PRKRA: variants seen among roughly 807,000 people sequenced by gnomAD.
The protein encoded by PRKRA is interferon-inducible double-stranded RNA-dependent protein kinase activator A.
PRKRA carries 22 observed loss-of-function variants against 32.4 expected under a neutral mutation model. That is an observed-to-expected ratio of 0.68 (90% confidence interval 0.49 to 0.97). The LOEUF is 0.97. Ranked by LOEUF, PRKRA falls within the 50% of genes least tolerant of loss-of-function variation. The pLI, the probability that PRKRA is intolerant of heterozygous loss-of-function variation, is 0.00. For synonymous variants in PRKRA, 139 were observed against 129.8 expected (o/e 1.07, Z -0.48); for missense variants, 319 against 375.6 (o/e 0.85, Z 1.25).
In PRKRA at chr2:178,436,230, G is replaced by A. The variant is rs753371990; in HGVS notation, c.699C>T (p.Leu233=). The A allele has an allele frequency of 5.0e-6, 8 of 1,613,018 alleles. No homozygotes were observed. Among genetic ancestry groups the A allele is most frequent in the Non-Finnish European group, 6.8e-6 (8 of 1,179,154 alleles). Residue 233 remains leucine (L), a synonymous_variant, in exon 7 of 8, where the codon CTC becomes CTT. Transcript: ENST00000325748. ...GEKINLLKRS[L]LSIPNTDYIQ... ...TGTAATCTGTATTTGGAATACTAAGGAGGCTTCTTTTCAGTAAGTTGATCT... is the reference window on the plus strand; with the variant it reads ...TGTAATCTGTATTTGGAATACTAAGAAGGCTTCTTTTCAGTAAGTTGATCT...
intron 7 of PRKRA, among the ~76,000 whole-genome samples, chr2:178,435,476 GCTTTCC>G (rs1435767246): frequency 1.3e-5 from 2 of 151,238 alleles, no homozygotes; most frequent in African/African-American, 2.4e-5. Context: ...ATACTGACTT[GCTTTCC>G]CATCTGTCCA....
At chr2:178,443,917 C>G (rs537190510) in intron 4 of PRKRA, 1 of 172,518 alleles carries the variant, frequency 5.8e-6, no homozygotes, top group African/African-American at 2.4e-5. Context: ...AATGGCCTAA[C>G]AGAGCACATG....
chr2:178,438,629 T>C lies in PRKRA; in HGVS notation c.610-2310A>G, dbSNP rs185335598. Among the ~76,000 whole-genome samples the C allele has an allele frequency of 5.8e-4, 89 of 152,164 alleles. 1 individual carries two copies. Among genetic ancestry groups the C allele is most frequent in the Admixed American group, 2.0e-3 (30 of 15,284 alleles). ...TCTTGGCTATTCTTGAGGGTTTTTT[T>C]CCAGATAAACTTCAATAAACGTGTA... On this transcript the variant is annotated intron_variant, in intron 6 of 7. Transcript: ENST00000325748.
chr2:178,433,770 G>A (rs1202353114), intron 7 of PRKRA: 1 of 152,094 alleles, frequency 6.6e-6, no homozygotes, highest in African/African-American at 2.4e-5. Flanking sequence ...TTACAGGTGT[G>A]AGCCACTTTG....
In PRKRA at chr2:178,431,938, A is replaced by G. The variant is rs115244185; in HGVS notation, c.*159T>C. The G allele has an allele frequency of 2.4e-3, 2,152 of 894,838 alleles. 23 individuals are homozygous for G. The African/African-American group carries it at 0.033, about 14-fold the overall frequency. The allele number at this position is 894,838 out of a possible 1,614,324, so 55.4% of individuals were successfully genotyped here. Reference sequence around the variant, plus strand: ...AGTTGAAGCCATTAAAAAGAGCTTAATAACAACTATGAGGAGATAATTAAA... The same window carrying G: ...AGTTGAAGCCATTAAAAAGAGCTTAGTAACAACTATGAGGAGATAATTAAA... On this transcript the variant is annotated 3_prime_UTR_variant, in exon 8 of 8. Coordinates refer to ENST00000325748, the MANE Select transcript of PRKRA (RefSeq NM_003690.5).
At chr2:178,446,514 T>C (rs1286842356) in intron 3 of PRKRA, among the ~76,000 whole-genome samples, 3 of 152,142 alleles carry the variant, frequency 2.0e-5, no homozygotes, top group Non-Finnish European at 4.4e-5. Flanking sequence ...TCCAAAAGCC[T>C]TTCTATGACT....
At position 178,442,964 on chromosome 2, in the gene PRKRA, T is replaced by A. The variant is rs190708493; in HGVS notation, c.514+303A>T. ...TAAAATCCAAGAGATTTACTATAGC[T>A]TTTTCTCCAAATTGAGGTTTTTTAA... On this transcript the variant is annotated intron_variant, in intron 5 of 7. Transcript: ENST00000325748. Among the ~76,000 whole-genome samples, 536 of 152,324 alleles carry A rather than the reference T, an allele frequency of 3.5e-3. 4 individuals carry two copies. The highest frequency in any genetic ancestry group is 3.8e-3 in the Non-Finnish European group (256 of 68,036).
At chr2:178,441,580 A>G in intron 6 of PRKRA, 30 bp downstream of exon 6, 1 of 1,507,694 alleles carries the variant, frequency 6.6e-7, no homozygotes, top group Non-Finnish European at 9.2e-7. Flanking sequence ...GCTTAATGAC[A>G]TTAACATCAT....
intron 1 of PRKRA, 186 bp downstream of exon 1, chr2:178,450,780 G>A: frequency 7.5e-7 from 1 of 1,339,984 alleles, no homozygotes; most frequent in Non-Finnish European, 9.5e-7. Flanking sequence ...ACCACGAGAG[G>A]GGCGGGGCCC....
At chr2:178,450,912 G>A in intron 1 of PRKRA, 54 bp downstream of exon 1, 1 of 1,217,512 alleles carries the variant, frequency 8.2e-7, no homozygotes, top group South Asian at 1.6e-5. Flanking sequence ...CCCGCGCCCC[G>A]GCCCTGCCGC....
Position 178,432,043 on chromosome 2 carries a change from G to C in PRKRA, c.*54C>G, listed in dbSNP as rs1356661860. The stretch of plus-strand genomic sequence containing the variant: ...CGGTAAAAGTTTTACTTGGGAAGGG[G>C]CCAGAGGGGAACTTTTTATGTGCTA... On this transcript the variant is annotated 3_prime_UTR_variant, in exon 8 of 8. Coordinates refer to ENST00000325748, the MANE Select transcript of PRKRA (RefSeq NM_003690.5). The C allele has an allele frequency of 6.3e-7, 1 of 1,587,586 alleles. No individual in the cohort carries two copies. The highest frequency in any genetic ancestry group is 1.3e-5 in the African/African-American group (1 of 74,076).
At chr2:178,446,871 T>C (rs1697329405) in intron 3 of PRKRA, among the ~76,000 whole-genome samples, 1 of 150,886 alleles carries the variant, frequency 6.6e-6, no homozygotes, top group Admixed American at 6.6e-5. Flanking sequence ...CGGGCGCCTG[T>C]AGTCCCAGCT....
At chr2:178,450,462 G>C (rs1165323946) in intron 1 of PRKRA, 51 bp from the exon 2 acceptor site, 1 of 1,310,548 alleles carries the variant, frequency 7.6e-7, no homozygotes, top group Non-Finnish European at 1.0e-6. Flanking sequence ...GGAGATTGAA[G>C]CAGAAGCGTA....
chr2:178,450,698 G>A, intron 1 of PRKRA: 1 of 1,408,612 alleles, frequency 7.1e-7, no homozygotes, highest in Non-Finnish European at 9.2e-7. Context: ...AGCCTCTCAG[G>A]GAAAACCTGA....
chr2:178,444,412 T>C lies in PRKRA; in HGVS notation c.396+10A>G, dbSNP rs1245309000. On this transcript the variant is annotated intron_variant, in intron 4 of 7. Transcript: ENST00000325748. ...TATTTCATCAGTAGGCAAAGAACTG[T>C]ACAACTTACCTGTAATGAACCAATA... 2 of 1,575,380 alleles carry C rather than the reference T, an allele frequency of 1.3e-6. No homozygotes were observed. The highest frequency in any genetic ancestry group is 1.7e-6 in the Non-Finnish European group (2 of 1,145,216).
At chr2:178,433,913 A>G (rs539077906) in intron 7 of PRKRA, 1 of 152,330 alleles carries the variant, frequency 6.6e-6, no homozygotes, top group South Asian at 2.1e-4. Context: ...TTAGTTCTCA[A>G]AACTGGGAAG....
At chr2:178,432,724 A>AC (rs1696717814) in intron 7 of PRKRA, among the ~76,000 whole-genome samples, 1 of 152,230 alleles carries the variant, frequency 6.6e-6, no homozygotes, top group African/African-American at 2.4e-5. Context: ...TGAACCAGGA[A>AC]TAACTTCGGT....
chr2:178,443,564 A>T, intron 4 of PRKRA, 180 bp from the exon 5 acceptor site: 1 of 537,416 alleles, frequency 1.9e-6, no homozygotes, highest in East Asian at 3.3e-5. Context: ...TTATATTTTT[A>T]TACCCCAATA....
chr2:178,431,935 TTAA>T lies in PRKRA; in HGVS notation c.*159_*161del. The T allele has an allele frequency of 1.1e-6, 1 of 876,858 alleles. No individual in the cohort carries two copies. Among genetic ancestry groups the T allele is most frequent in the South Asian group, 1.7e-5 (1 of 60,176 alleles). The allele number at this position is 876,858 out of a possible 1,614,324, so 54.3% of individuals were successfully genotyped here. A position where few individuals can be genotyped will look rare whatever the true frequency, so the allele number is the denominator to read the frequency against. ...CAAAGTTGAAGCCATTAAAAAGAGCTTAATAACAACTATGAGGAGATAATTAAA... is the reference window on the plus strand; with the variant it reads ...CAAAGTTGAAGCCATTAAAAAGAGCTTAACAACTATGAGGAGATAATTAAA... On this transcript the variant is annotated 3_prime_UTR_variant, in exon 8 of 8. Coordinates refer to ENST00000325748, the MANE Select transcript of PRKRA (RefSeq NM_003690.5).
Sources: gnomAD v4.1 joint callset for allele counts (sites outside exome capture counted in the v4.1 genomes callset) on GRCh38, gnomAD v4.1.1 for gene constraint, MANE v1.5 for transcripts, NCBI Gene and HGNC (gene_info 2026-07-23, HGNC 2026-07-21) for gene names.